The following NARS2 variants were observed in gnomAD, a reference collection of about 807,000 sequenced individuals.
The protein encoded by NARS2 is asparaginyl-tRNA synthetase 2, mitochondrial, also known as asparaginyl-tRNA synthetase.
Under a neutral mutation model 62.9 loss-of-function variants are expected in NARS2, and 60 were observed. The observed-to-expected ratio is 0.95, with a 90% CI of 0.77 to 1.18. The LOEUF (loss-of-function observed/expected upper bound fraction) is 1.18. NARS2 is among the 50% of genes most tolerant of loss of function. The pLI is 0.00. For synonymous variants in NARS2, 196 were observed against 200.0 expected (o/e 0.98, Z 0.17); for missense variants, 619 against 576.4 (o/e 1.07, Z -0.76).
At chr11:78,472,181 A>G (rs866810967) in intron 9 of NARS2, among the ~76,000 whole-genome samples, 1 of 152,194 alleles carries the variant, frequency 6.6e-6, no homozygotes, top group South Asian at 2.1e-4. Context: ...GATATCCTTA[A>G]TGGCTTCCAT....
chr11:78,573,288 G>C (rs1175399445), intron 1 of NARS2: 1 of 152,218 alleles, frequency 6.6e-6, no homozygotes, highest in African/African-American at 2.4e-5. Flanking sequence ...TGTAATCCCA[G>C]CATTTTGGGA....
At chr11:78,552,341 G>A (rs1194962335) in intron 5 of NARS2, among the ~76,000 whole-genome samples, 1 of 152,136 alleles carries the variant, frequency 6.6e-6, no homozygotes, top group African/African-American at 2.4e-5. Flanking sequence ...TTTTATGGCT[G>A]CATAATATTC....
chr11:78,443,880 T>G (rs375700756), intron 11 of NARS2, 122 bp from the exon 12 acceptor site: 1 of 654,030 alleles, frequency 1.5e-6, no homozygotes, highest in African/African-American at 1.8e-5. Flanking sequence ...AGAATCTTAC[T>G]GACTACATAC....
intron 1 of NARS2, 133 bp from the exon 2 acceptor site, chr11:78,571,577 C>A: frequency 3.3e-6 from 2 of 612,654 alleles, no homozygotes; most frequent in Non-Finnish European, 5.9e-6. Flanking sequence ...TTTTAGTTCA[C>A]CAATATGCAT....
chr11:78,570,508 C>T (rs765460502), intron 2 of NARS2, among the ~76,000 whole-genome samples: 4 of 152,140 alleles, frequency 2.6e-5, no homozygotes, highest in Non-Finnish European at 4.4e-5. Context: ...TAGCCTCAAC[C>T]GCCCGAGTAG....
chr11:78,481,068 G>C (rs1859332977), intron 7 of NARS2, among the ~76,000 whole-genome samples: 1 of 152,084 alleles, frequency 6.6e-6, no homozygotes, highest in Admixed American at 6.6e-5. Context: ...TGATCCACCT[G>C]CCTCAGTCTC....
intron 13 of NARS2, among the ~76,000 whole-genome samples, chr11:78,440,536 ATT>A (rs146475944): frequency 7.5e-5 from 11 of 145,876 alleles, no homozygotes; most frequent in Non-Finnish European, 1.4e-4. Flanking sequence ...ACATAATATA[ATT>A]TTTTTTTTTT....
chr11:78,561,147 T>C (rs533099123), intron 4 of NARS2, among the ~76,000 whole-genome samples: 1 of 152,300 alleles, frequency 6.6e-6, no homozygotes, highest in African/African-American at 2.4e-5. Flanking sequence ...ACTTAACTAA[T>C]GCTAAACATT....
intron 5 of NARS2, among the ~76,000 whole-genome samples, chr11:78,541,140 A>G (rs1259545541): frequency 6.6e-6 from 1 of 152,158 alleles, no homozygotes. Context: ...AGCCTGAGTG[A>G]CAACAGTGAA....
chr11:78,470,902 T>TTTA (rs11427071), intron 9 of NARS2, among the ~76,000 whole-genome samples: 8 of 149,668 alleles, frequency 5.3e-5, no homozygotes, highest in Non-Finnish European at 7.4e-5. Context: ...TTTTTTTTTT[T>TTTA]ACAAAAAAAT....
chr11:78,492,149 T>A (rs1422679725), intron 7 of NARS2, among the ~76,000 whole-genome samples: 1 of 151,632 alleles, frequency 6.6e-6, no homozygotes, highest in East Asian at 1.9e-4. Flanking sequence ...ATAGATTTTA[T>A]CTACCTGATC....
intron 6 of NARS2, among the ~76,000 whole-genome samples, chr11:78,501,195 T>A (rs888824155): frequency 6.6e-6 from 1 of 152,272 alleles, no homozygotes; most frequent in East Asian, 1.9e-4. Context: ...AACAAAAAAA[T>A]TAGTAAGAGG....
At chr11:78,518,054 G>A (rs752432356) in intron 6 of NARS2, among the ~76,000 whole-genome samples, 5 of 151,966 alleles carry the variant, frequency 3.3e-5, no homozygotes, top group African/African-American at 4.8e-5. Flanking sequence ...TAGTACAGTC[G>A]GCCCTCTGCA....
intron 5 of NARS2, among the ~76,000 whole-genome samples, chr11:78,548,358 G>T (rs1045180822): frequency 6.6e-6 from 1 of 150,708 alleles, no homozygotes; most frequent in Non-Finnish European, 1.5e-5. Flanking sequence ...ATCTAAAAAC[G>T]TTTAAAAGAA....
At position 78,543,177 on chromosome 11, in the gene NARS2, C is replaced by CA. The variant is rs1012809457; in HGVS notation, c.595-14242dup. 1.2e-4 allele frequency among the ~76,000 whole-genome samples: 18 copies of CA among 149,714 alleles called. No individual in the cohort carries two copies. The South Asian group carries it at 1.5e-3, about 12-fold the overall frequency. On this transcript the variant is annotated intron_variant, in intron 5 of 13. Coordinates refer to ENST00000281038, the MANE Select transcript of NARS2 (RefSeq NM_024678.6). ...TGGGCAACAGAGCAAAACTACGTGT[C>CA]AAAAAAAAAGAATAAGCCATTATAA... is the stretch of plus-strand genomic sequence containing the variant.
chr11:78,563,851 AAT>A (rs1335259135), intron 4 of NARS2, among the ~76,000 whole-genome samples: 629 of 33,960 alleles, frequency 0.019, 20 homozygotes, highest in East Asian at 0.039. Flanking sequence ...AAAAAAAAAA[AAT>A]ATATATATAT....
chr11:78,556,419 C>T (rs1158092552), intron 5 of NARS2, among the ~76,000 whole-genome samples: 1 of 152,124 alleles, frequency 6.6e-6, no homozygotes, highest in Admixed American at 6.6e-5. Flanking sequence ...AGTTGTGCAT[C>T]GCCACCAAGC....
At chr11:78,542,053 C>G (rs1003710732) in intron 5 of NARS2, among the ~76,000 whole-genome samples, 2 of 152,156 alleles carry the variant, frequency 1.3e-5, no homozygotes, top group African/African-American at 2.4e-5. Context: ...AAATGTGTAT[C>G]TTGGTGTACA....
At chr11:78,440,461 TA>T (rs1857541909) in intron 13 of NARS2, among the ~76,000 whole-genome samples, 1 of 152,144 alleles carries the variant, frequency 6.6e-6, no homozygotes, top group Non-Finnish European at 1.5e-5. Flanking sequence ...GCCTCATGCC[TA>T]GGGAGTAATA....
Sources: allele counts gnomAD v4.1 joint callset (sites outside exome capture counted in the v4.1 genomes callset), GRCh38; gene constraint gnomAD v4.1.1; transcripts MANE v1.5; gene names NCBI Gene and HGNC (gene_info 2026-07-23, HGNC 2026-07-21).